ZNF566: variants seen among roughly 807,000 people sequenced by gnomAD.
The protein encoded by ZNF566 is zinc finger protein 566.
ZNF566 carries 27 observed loss-of-function variants against 32.8 expected under a neutral mutation model. The observed-to-expected ratio is 0.82, with a 90% CI of 0.61 to 1.14. The LOEUF (loss-of-function observed/expected upper bound fraction) is 1.14. Ranked by LOEUF, ZNF566 falls within the 50% of genes most tolerant of loss-of-function variation. ZNF566 has a pLI of 0.00. For synonymous variants in ZNF566, 154 were observed against 159.5 expected (o/e 0.97, Z 0.26); for missense variants, 402 against 490.4 (o/e 0.82, Z 1.70).
chr19:36,476,734 A>G, intron 1 of ZNF566, 118 bp from the exon 2 acceptor site: 3 of 741,810 alleles, frequency 4.0e-6, no homozygotes, highest in Non-Finnish European at 6.4e-6. Flanking sequence ...AGTGAGGAGA[A>G]TGGGCAAATG....
At chr19:36,473,560 G>C (rs1275977703) in intron 2 of ZNF566, 102 bp from the exon 3 acceptor site, 4 of 1,103,886 alleles carry the variant, frequency 3.6e-6, no homozygotes, top group Non-Finnish European at 5.1e-6. Flanking sequence ...GTAAAATATA[G>C]TGAGCATATG....
At chr19:36,450,711 T>C (rs561743026) in intron 4 of ZNF566, among the ~76,000 whole-genome samples, 144 of 152,322 alleles carry the variant, frequency 9.5e-4, no homozygotes, top group African/African-American at 3.4e-3. Context: ...TATTGTCGGA[T>C]GAAATGAATA....
intron 1 of ZNF566, among the ~76,000 whole-genome samples, chr19:36,482,416 A>G (rs569161131): frequency 2.0e-4 from 30 of 152,210 alleles, no homozygotes; most frequent in Non-Finnish European, 3.5e-4. Flanking sequence ...ATGTTTTCAC[A>G]TTCAAAATAG....
At position 36,469,547 on chromosome 19, in the gene ZNF566, A is replaced by G. The variant is rs1040738918; in HGVS notation, c.232+3364T>C. On this transcript the variant is annotated intron_variant, in intron 4 of 4. Coordinates refer to ENST00000452939, the MANE Select transcript of ZNF566 (RefSeq NM_001145344.1). The stretch of plus-strand genomic sequence containing the variant: ...AAGAGCGAAACTCCATCTCGAAAAC[A>G]AAGAAAAAAAAGAAAATATTTGTGC... Among the ~76,000 whole-genome samples the G allele has an allele frequency of 4.6e-5, 7 of 151,966 alleles. 1 individual carries two copies. The highest frequency in any genetic ancestry group is 1.7e-4 in the African/African-American group (7 of 41,228).
intron 4 of ZNF566, among the ~76,000 whole-genome samples, chr19:36,450,809 T>C (rs1050362746): frequency 2.0e-5 from 3 of 152,204 alleles, no homozygotes; most frequent in African/African-American, 7.2e-5. Flanking sequence ...TAGCCATACT[T>C]GTTACGTATT....
chr19:36,453,493 A>T (rs1042931977), intron 4 of ZNF566, among the ~76,000 whole-genome samples: 89 of 118,706 alleles, frequency 7.5e-4, no homozygotes, highest in African/African-American at 2.7e-3. Flanking sequence ...ATAAATAAAT[A>T]AATAAATAAA....
chr19:36,446,163 G>T lies in ZNF566; in HGVS notation c.*2814C>A. 1 of 151,706 alleles carries T rather than the reference G, an allele frequency of 6.6e-6. No homozygotes were observed. Among genetic ancestry groups the T allele is most frequent in the East Asian group, 1.9e-4 (1 of 5,176 alleles). 9.4% of individuals were successfully genotyped at this position (151,706 alleles called of 1,614,324 possible). A position where few individuals can be genotyped will look rare whatever the true frequency, so the allele number is the denominator to read the frequency against. ...TTGTGTGTTAATGTTTTAGCATGAA[G>T]AAATATATGGGTAATATACACAACC... On this transcript the variant is annotated 3_prime_UTR_variant, in exon 5 of 5. Coordinates refer to ENST00000452939, the MANE Select transcript of ZNF566 (RefSeq NM_001145344.1).
At chr19:36,484,620 C>T (rs1446803055) in intron 1 of ZNF566, among the ~76,000 whole-genome samples, 2 of 122,422 alleles carry the variant, frequency 1.6e-5, no homozygotes, top group African/African-American at 6.3e-5. Context: ...GATGGAGTCT[C>T]GCTCTGTCAC....
At position 36,450,125 on chromosome 19, in the gene ZNF566, A is replaced by G. The variant is rs368476436; in HGVS notation, c.233-124T>C. ...ATGGATGAGGAAAAAAGAGAGTTAG[A>G]AGACAGGTTACATAATAAGATGAGG... On this transcript the variant is annotated intron_variant, in intron 4 of 4. Coordinates refer to ENST00000452939, the MANE Select transcript of ZNF566 (RefSeq NM_001145344.1). The G allele has an allele frequency of 4.5e-4, 335 of 746,284 alleles. 1 individual carries two copies. In the South Asian group the frequency reaches 5.4e-3, roughly 12 times the overall value. The allele number at this position is 746,284 out of a possible 1,614,324, so 46.2% of individuals were successfully genotyped here. A position where few individuals can be genotyped will look rare whatever the true frequency, so the allele number is the denominator to read the frequency against.
At chr19:36,480,288 CT>C (rs773998048) in intron 1 of ZNF566, among the ~76,000 whole-genome samples, 125 of 136,778 alleles carry the variant, frequency 9.1e-4, no homozygotes, top group Admixed American at 1.3e-3. Context: ...ATTTTTTTTT[CT>C]TTTTTTTTTT....
rs528049552 is a variant in ZNF566, at chr19:36,467,178, G to A, written c.232+5733C>T. On this transcript the variant is annotated intron_variant, in intron 4 of 4. Coordinates refer to ENST00000452939, the MANE Select transcript of ZNF566 (RefSeq NM_001145344.1). The stretch of plus-strand genomic sequence containing the variant: ...CAGCTGGGCATGGTGGCTCACGCCT[G>A]TAATCCCAGCACTTTGGGAGGCCGA... Among the ~76,000 whole-genome samples, 22 of 150,770 alleles carry A rather than the reference G, an allele frequency of 1.5e-4. 1 individual carries two copies. Among genetic ancestry groups the A allele is most frequent in the African/African-American group, 5.2e-4 (21 of 40,762 alleles).
intron 4 of ZNF566, among the ~76,000 whole-genome samples, chr19:36,470,323 A>C (rs1385746033): frequency 6.6e-6 from 1 of 152,216 alleles, no homozygotes; most frequent in African/African-American, 2.4e-5. Flanking sequence ...TTGATTTTGC[A>C]AGCCCCAAAT....
chr19:36,455,988 G>A (rs1397738949), intron 4 of ZNF566, among the ~76,000 whole-genome samples: 12 of 138,100 alleles, frequency 8.7e-5, no homozygotes, highest in African/African-American at 2.7e-4. Context: ...GCAGTGAGCC[G>A]AGATTGCACC....
chr19:36,448,845 C>T lies in ZNF566; in HGVS notation c.*132G>A, dbSNP rs2033060987. On this transcript the variant is annotated 3_prime_UTR_variant, in exon 5 of 5. Transcript: ENST00000452939. ...AGTATTTCTCCAACATTATTTTTCCCAGGCTGAATAAGCTGTAGTCCACAA... is the reference window on the plus strand; with the variant it reads ...AGTATTTCTCCAACATTATTTTTCCTAGGCTGAATAAGCTGTAGTCCACAA... 2.6e-6 allele frequency: 2 copies of T among 770,498 alleles called. No individual in the cohort carries two copies. The highest frequency in any genetic ancestry group is 3.9e-6 in the Non-Finnish European group (2 of 513,486). 47.7% of individuals were successfully genotyped at this position (770,498 alleles called of 1,614,324 possible).
Position 36,469,501 on chromosome 19 carries a change from T to C in ZNF566, c.232+3410A>G, listed in dbSNP as rs77408919. On this transcript the variant is annotated intron_variant, in intron 4 of 4. Coordinates refer to ENST00000452939, the MANE Select transcript of ZNF566 (RefSeq NM_001145344.1). The stretch of plus-strand genomic sequence containing the variant: ...GTTGCAGTGAGCCGAGATCACGCCT[T>C]TACACTCCAGCCTGGGTAACAAGAG... Among the ~76,000 whole-genome samples the C allele has an allele frequency of 4.9e-3, 744 of 151,588 alleles. 6 individuals are homozygous for C. Among genetic ancestry groups the C allele is most frequent in the African/African-American group, 0.017 (702 of 41,156 alleles).
At chr19:36,474,556 T>C (rs1188577151) in intron 2 of ZNF566, among the ~76,000 whole-genome samples, 2 of 152,182 alleles carry the variant, frequency 1.3e-5, no homozygotes, top group Admixed American at 1.3e-4. Flanking sequence ...CCTTTAACTT[T>C]GCAATCAGTC....
At chr19:36,473,601 C>G (rs971342304) in intron 2 of ZNF566, 143 bp from the exon 3 acceptor site, 8 of 642,630 alleles carry the variant, frequency 1.2e-5, no homozygotes, top group Admixed American at 1.1e-4. Context: ...GGACTGTAAA[C>G]AAATAAGCAC....
At chr19:36,485,213 T>C (rs899448503) in intron 1 of ZNF566, among the ~76,000 whole-genome samples, 1 of 142,466 alleles carries the variant, frequency 7.0e-6, no homozygotes, top group African/African-American at 2.7e-5. Context: ...AACAGGAGGA[T>C]GGCTTGAAAG....
At chr19:36,468,021 A>C (rs1279845537) in intron 4 of ZNF566, among the ~76,000 whole-genome samples, 1 of 150,972 alleles carries the variant, frequency 6.6e-6, no homozygotes, top group Non-Finnish European at 1.5e-5. Flanking sequence ...CCCCATCTCT[A>C]CTAAAAATAC....
Sources: gnomAD v4.1 joint callset for allele counts (sites outside exome capture counted in the v4.1 genomes callset) on GRCh38, gnomAD v4.1.1 for gene constraint, MANE v1.5 for transcripts, NCBI Gene and HGNC (gene_info 2026-07-23, HGNC 2026-07-21) for gene names.